The following PXDN variants were observed in gnomAD, a reference collection of about 807,000 sequenced individuals.
PXDN encodes peroxidasin homolog.
Under a neutral mutation model 140.3 loss-of-function variants are expected in PXDN, and 77 were observed. The ratio of observed to expected loss-of-function variants is 0.55; its 90% CI spans 0.46 to 0.66. The LOEUF (loss-of-function observed/expected upper bound fraction) is 0.66. Among genes scored for constraint, PXDN ranks in the 30% least tolerant of loss-of-function variants. The pLI is 0.00. For missense variants in PXDN, 1,838 were observed against 2,039.5 expected, an observed-to-expected ratio of 0.90 and a Z score of 1.90; for synonymous variants, 911 against 857.4, an observed-to-expected ratio of 1.06 and a Z score of -1.09.
At chr2:1,658,876 G>A (rs1025889295) in intron 14 of PXDN, among the ~76,000 whole-genome samples, 10 of 151,400 alleles carry the variant, frequency 6.6e-5, no homozygotes, top group East Asian at 2.0e-4. Context: ...ATACGCAGGC[G>A]AGTGCTGACC....
At chr2:1,721,885 T>C (rs1045769032) in intron 1 of PXDN, among the ~76,000 whole-genome samples, 21 of 152,128 alleles carry the variant, frequency 1.4e-4, no homozygotes, top group African/African-American at 4.1e-4. Flanking sequence ...AGGAAATGAA[T>C]CATAAAATGG....
chr2:1,661,937 C>A, intron 13 of PXDN, 135 bp downstream of exon 13: 1 of 719,578 alleles, frequency 1.4e-6, no homozygotes. Flanking sequence ...TCCAGCCCAT[C>A]ATACCCCACA....
intron 1 of PXDN, among the ~76,000 whole-genome samples, chr2:1,737,414 G>A (rs551548821): frequency 5.9e-5 from 9 of 152,120 alleles, no homozygotes; most frequent in Non-Finnish European, 1.0e-4. Flanking sequence ...GTTTTTGTTC[G>A]TTTTTGTCAG....
At chr2:1,659,302 G>T (rs1683249576) in intron 14 of PXDN, among the ~76,000 whole-genome samples, 1 of 152,214 alleles carries the variant, frequency 6.6e-6, no homozygotes, top group African/African-American at 2.4e-5. Context: ...TGGCTGAAAA[G>T]AATTTCAGCT....
At chr2:1,739,452 T>G (rs140711460) in intron 1 of PXDN, among the ~76,000 whole-genome samples, 95 of 152,266 alleles carry the variant, frequency 6.2e-4, no homozygotes, top group African/African-American at 2.3e-3. Flanking sequence ...TTTTTACAAC[T>G]ATTTCCTTGA....
At chr2:1,671,134 C>T (rs912748066) in intron 9 of PXDN, among the ~76,000 whole-genome samples, 6 of 151,802 alleles carry the variant, frequency 4.0e-5, no homozygotes, top group African/African-American at 7.3e-5. Context: ...GATGAACGCA[C>T]GTTAGAGGGG....
intron 5 of PXDN, 53 bp downstream of exon 5, chr2:1,684,027 G>C: frequency 6.7e-7 from 1 of 1,485,358 alleles, no homozygotes; most frequent in Non-Finnish European, 9.2e-7. Flanking sequence ...CCAAGCCAGT[G>C]ACTGAGGCTT....
chr2:1,654,576 GACACT>G, intron 14 of PXDN, 68 bp from the exon 15 acceptor site: 3 of 1,015,708 alleles, frequency 3.0e-6, no homozygotes, highest in Non-Finnish European at 4.5e-6. Context: ...ATGATGTCTA[GACACT>G]ACATCATTAG....
intron 1 of PXDN, among the ~76,000 whole-genome samples, chr2:1,705,476 G>A (rs1684575644): frequency 6.8e-6 from 1 of 147,300 alleles, no homozygotes; most frequent in African/African-American, 2.5e-5. Context: ...CCCACGACCT[G>A]GGACACAGGG....
rs766902490 is a variant in PXDN at position 1,648,982 on chromosome 2, C to T, written c.2798G>A (p.Arg933His). Residue 933 changes from arginine (R) to histidine (H), a missense_variant, in exon 17 of 23, where the codon CGC (arginine) becomes CAC (histidine). Transcript: ENST00000252804. This position sits in a 1 kb window ranked among gnomAD's most constrained non-coding sequence, Gnocchi z 8.9. The part of the protein sequence containing the change: ...ARSIRDLASH[R>H]GLLRQGIVQR... ...CACGATGCCCTGCCGCAGCAGGCCG[C>T]GGTGGCTGGCCAGGTCGCGGATGCT... The T allele has an allele frequency of 2.5e-6, 4 of 1,610,006 alleles. No individual in the cohort carries two copies. Among genetic ancestry groups the T allele is most frequent in the South Asian group, 2.2e-5 (2 of 90,944 alleles).
chr2:1,680,462 C>T, intron 6 of PXDN, 100 bp from the exon 7 acceptor site: 3 of 1,396,178 alleles, frequency 2.1e-6, no homozygotes, highest in Non-Finnish European at 3.0e-6. Context: ...GAAACATGTG[C>T]CAGGCCTGCC....
intron 16 of PXDN, 144 bp downstream of exon 16, chr2:1,653,484 C>G: frequency 8.2e-7 from 1 of 1,226,274 alleles, no homozygotes. Flanking sequence ...AGAGGAATCA[C>G]AGTTTAAGGA....
intron 1 of PXDN, among the ~76,000 whole-genome samples, chr2:1,720,344 G>GCA: frequency 8.8e-6 from 1 of 113,004 alleles, no homozygotes; most frequent in Non-Finnish European, 1.9e-5. Context: ...AGGGAGGGAT[G>GCA]CAGAGAGAGG....
intron 3 of PXDN, among the ~76,000 whole-genome samples, chr2:1,688,833 C>A (rs575891036): frequency 0.015 from 2,355 of 152,120 alleles, 38 homozygotes; most frequent in Admixed American, 0.039. Flanking sequence ...TGTCTTAATG[C>A]TTATAATATT....
At position 1,663,700 on chromosome 2, in the gene PXDN, C is replaced by A. The variant is rs764197268; in HGVS notation, c.1472G>T (p.Gly491Val). Residue 491 changes from glycine (G) to valine (V), a missense_variant, in exon 12 of 23, where the codon GGT becomes GTT. Coordinates refer to ENST00000252804, the MANE Select transcript of PXDN (RefSeq NM_012293.3). Reference sequence around the variant, plus strand: ...CTGGCCCTGGTCGTGGAGGGCAACACCAGAGATTCTAAGTGTTCCCGATGA... The same window carrying A: ...CTGGCCCTGGTCGTGGAGGGCAACAACAGAGATTCTAAGTGTTCCCGATGA... The part of the protein sequence containing the change: ...VLSSGTLRIS[G>V]VALHDQGQYE... 5.6e-6 allele frequency: 9 copies of A among 1,613,840 alleles called. No individual in the cohort carries two copies. Among genetic ancestry groups the A allele is most frequent in the East Asian group, 4.5e-5 (2 of 44,852 alleles).
In PXDN at chr2:1,649,654, A is replaced by G; in HGVS notation, c.2126T>C (p.Val709Ala). 2 of 1,613,948 alleles carry G rather than the reference A, an allele frequency of 1.2e-6. No homozygotes were observed. The highest frequency in any genetic ancestry group is 1.7e-6 in the Non-Finnish European group (2 of 1,179,884). ...NGTSYHYNDL[V>A]SPQYLNLIAN... is the part of the protein sequence containing the mutation. Reference sequence around the variant, plus strand: ...GATGAGGTTCAGGTACTGTGGAGACACCAGGTCGTTGTAGTGGTAACCTGG... The same window carrying G: ...GATGAGGTTCAGGTACTGTGGAGACGCCAGGTCGTTGTAGTGGTAACCTGG... Residue 709 changes from valine to alanine, a missense_variant, in exon 17 of 23, where the codon GTG becomes GCG. Val to Ala is a moderately conservative substitution (Grantham distance 64). Transcript: ENST00000252804. This position sits in a 1 kb window ranked among gnomAD's most constrained non-coding sequence, Gnocchi z 7.1.
At chr2:1,654,638 C>T in intron 14 of PXDN, 130 bp from the exon 15 acceptor site, 1 of 614,002 alleles carries the variant, frequency 1.6e-6, no homozygotes, top group Non-Finnish European at 2.8e-6. Context: ...TTTTCAAACC[C>T]AAACTCAAAT....
At chr2:1,634,400 C>G (rs139723946) in intron 22 of PXDN, 77 bp from the exon 23 acceptor site, 75 of 1,489,166 alleles carry the variant, frequency 5.0e-5, no homozygotes, top group Non-Finnish European at 6.5e-5. Flanking sequence ...AGCTCCGGGA[C>G]AGGTGTCAGC....
At chr2:1,681,574 G>C (rs920307876) in intron 6 of PXDN, among the ~76,000 whole-genome samples, 3 of 152,080 alleles carry the variant, frequency 2.0e-5, no homozygotes, top group African/African-American at 7.2e-5. Flanking sequence ...GAGGGGAAGG[G>C]GAGGCTACAC....
Sources: gnomAD v4.1 joint callset for allele counts (sites outside exome capture counted in the v4.1 genomes callset) on GRCh38, gnomAD v4.1.1 for gene constraint, Gnocchi (gnomAD v3.1) non-coding constraint, MANE v1.5 for transcripts, NCBI Gene and HGNC (gene_info 2026-07-23, HGNC 2026-07-21) for gene names.